Variants in MIPEP observed in about 807,000 individuals in gnomAD.
The protein encoded by MIPEP is mitochondrial intermediate peptidase.
A neutral mutation model predicts 90.3 loss-of-function variants in MIPEP; 79 were observed. The ratio of observed to expected loss-of-function variants is 0.87; its 90% CI spans 0.73 to 1.05. The LOEUF (loss-of-function observed/expected upper bound fraction) is 1.05. Among genes scored for constraint, MIPEP ranks in the 50% least tolerant of loss-of-function variants. The probability of loss-of-function intolerance (pLI) is 0.00; values close to 1 mark genes in which losing one functional copy is unlikely to be tolerated. For synonymous variants in MIPEP, 334 were observed against 315.8 expected (o/e 1.06, Z -0.61); for missense variants, 940 against 905.6 (o/e 1.04, Z -0.49).
intron 12 of MIPEP, among the ~76,000 whole-genome samples, chr13:23,838,240 C>T (rs1023640822): frequency 5.3e-5 from 8 of 152,080 alleles, no homozygotes; most frequent in African/African-American, 1.9e-4. Context: ...ACCTCCTGGG[C>T]TCAAGCCATC....
At chr13:23,850,050 A>G (rs1869733399) in intron 10 of MIPEP, among the ~76,000 whole-genome samples, 1 of 152,248 alleles carries the variant, frequency 6.6e-6, no homozygotes, top group Non-Finnish European at 1.5e-5. Context: ...GAACATGTGC[A>G]CCAAATGGCA....
At chr13:23,798,610 G>A (rs928507527) in intron 16 of MIPEP, among the ~76,000 whole-genome samples, 7 of 152,206 alleles carry the variant, frequency 4.6e-5, no homozygotes, top group Non-Finnish European at 7.3e-5. Flanking sequence ...CCTGGTAGGA[G>A]GGGATTGGAT....
chr13:23,781,365 G>C (rs1463168509), intron 16 of MIPEP, among the ~76,000 whole-genome samples: 1 of 152,120 alleles, frequency 6.6e-6, no homozygotes, highest in African/African-American at 2.4e-5. Context: ...AGCTTCATAA[G>C]TGAAGGAGAA....
intron 16 of MIPEP, among the ~76,000 whole-genome samples, chr13:23,784,434 T>C (rs941782426): frequency 2.0e-5 from 3 of 152,190 alleles, no homozygotes; most frequent in East Asian, 1.9e-4. Flanking sequence ...TGGCTAGCCA[T>C]ATGTAGAAAG....
rs79643120 is a variant in MIPEP, at chr13:23,830,495, G to A, written c.1653+5745C>T. On this transcript the variant is annotated intron_variant, in intron 14 of 18. Coordinates refer to ENST00000382172, the MANE Select transcript of MIPEP (RefSeq NM_005932.4). ...TGGTAATGTTTTACTTCTCAGGTTG[G>A]AGAATGGCTTCATAGCTGTTCTTTC... is the stretch of plus-strand genomic sequence containing the variant. 7.1e-3 allele frequency among the ~76,000 whole-genome samples: 1,088 copies of A among 152,248 alleles called. 10 individuals are homozygous for A. Among genetic ancestry groups the A allele is most frequent in the African/African-American group, 0.025 (1,057 of 41,532 alleles).
intron 16 of MIPEP, among the ~76,000 whole-genome samples, chr13:23,793,681 T>A (rs1297258785): frequency 6.6e-6 from 1 of 151,880 alleles, no homozygotes; most frequent in African/African-American, 2.4e-5. Context: ...ATGAATCAAA[T>A]GGCATCAATA....
At chr13:23,789,995 C>T (rs575345212) in intron 16 of MIPEP, among the ~76,000 whole-genome samples, 1 of 152,306 alleles carries the variant, frequency 6.6e-6, no homozygotes, top group East Asian at 1.9e-4. Flanking sequence ...TTTTCCTCTG[C>T]CTTCTTTGAA....
At chr13:23,747,977 G>A (rs1269478614) in intron 18 of MIPEP, among the ~76,000 whole-genome samples, 1 of 152,158 alleles carries the variant, frequency 6.6e-6, no homozygotes, top group Non-Finnish European at 1.5e-5. Context: ...CTGACCTTGT[G>A]ATCAGCCCGC....
At position 23,730,344 on chromosome 13, in the gene MIPEP, T is replaced by A. The variant is rs780812416; in HGVS notation, c.*4A>T. ...CTTGATTTAAGAGGTGTAGAGTGTT[T>A]CTTTTATTCAGAATCCATGAGGAAA... On this transcript the variant is annotated 3_prime_UTR_variant, in exon 19 of 19. Coordinates refer to ENST00000382172, the MANE Select transcript of MIPEP (RefSeq NM_005932.4). 9.2e-5 allele frequency: 146 copies of A among 1,595,512 alleles called. No individual in the cohort carries two copies. Among genetic ancestry groups the A allele is most frequent in the Non-Finnish European group, 1.1e-4 (130 of 1,164,952 alleles).
intron 10 of MIPEP, among the ~76,000 whole-genome samples, chr13:23,856,197 G>A (rs1870038440): frequency 6.6e-6 from 1 of 152,214 alleles, no homozygotes. Context: ...CACAAGGCTA[G>A]TGCAGACTCA....
intron 6 of MIPEP, 119 bp from the exon 7 acceptor site, chr13:23,869,567 C>G (rs1870692145): frequency 1.1e-6 from 1 of 946,804 alleles, no homozygotes; most frequent in South Asian, 2.1e-5. Flanking sequence ...CAAAATAAAG[C>G]AATGGTCTAC....
chr13:23,809,049 A>G (rs2137407269), intron 15 of MIPEP, among the ~76,000 whole-genome samples: 1 of 152,336 alleles, frequency 6.6e-6, no homozygotes, highest in Admixed American at 6.5e-5. Flanking sequence ...AATCTCAGTC[A>G]TTACAAACAT....
intron 14 of MIPEP, among the ~76,000 whole-genome samples, chr13:23,834,206 C>G (rs759633514): frequency 4.6e-5 from 7 of 152,200 alleles, no homozygotes; most frequent in South Asian, 2.1e-4. Context: ...ATCCGCACCC[C>G]CTGCGATCCG....
chr13:23,760,450 T>A (rs1166043804), intron 16 of MIPEP: 1 of 704,344 alleles, frequency 1.4e-6, no homozygotes, highest in African/African-American at 1.7e-5. Flanking sequence ...TACCTCAGAA[T>A]GTGACTTATT....
chr13:23,848,754 A>C (rs982353083), intron 10 of MIPEP, among the ~76,000 whole-genome samples: 30 of 152,184 alleles, frequency 2.0e-4, no homozygotes, highest in African/African-American at 7.0e-4. Flanking sequence ...AAGCTCAAGC[A>C]AGCACTAGTG....
At chr13:23,769,986 G>A (rs73158541) in intron 16 of MIPEP, among the ~76,000 whole-genome samples, 3,861 of 152,224 alleles carry the variant, frequency 0.025, 60 homozygotes, top group Middle Eastern at 0.051. Context: ...GGGACTCTGC[G>A]GCGTCCCCAC....
At chr13:23,881,042 A>G (rs2137535690) in intron 3 of MIPEP, among the ~76,000 whole-genome samples, 1 of 152,332 alleles carries the variant, frequency 6.6e-6, no homozygotes, top group East Asian at 1.9e-4. Flanking sequence ...TTTAACAAGC[A>G]TTATGGAGCT....
chr13:23,801,815 T>C (rs1953045836), intron 16 of MIPEP, among the ~76,000 whole-genome samples: 1 of 152,210 alleles, frequency 6.6e-6, no homozygotes, highest in Non-Finnish European at 1.5e-5. Context: ...TGTTTATCCA[T>C]TTCTCTGATG....
At chr13:23,826,322 T>C (rs180882253) in intron 14 of MIPEP, among the ~76,000 whole-genome samples, 12 of 152,110 alleles carry the variant, frequency 7.9e-5, no homozygotes, top group Admixed American at 2.0e-4. Context: ...AATTAAAAGG[T>C]TGACTTACCA....
Sources: gnomAD v4.1 joint callset for allele counts (sites outside exome capture counted in the v4.1 genomes callset) on GRCh38, gnomAD v4.1.1 for gene constraint, MANE v1.5 for transcripts, NCBI Gene and HGNC (gene_info 2026-07-23, HGNC 2026-07-21) for gene names.